Variants in NTN4 observed in about 807,000 individuals in gnomAD.
NTN4 encodes the protein netrin-4.
NTN4 carries 32 observed loss-of-function variants against 73.6 expected under a neutral mutation model. The observed-to-expected ratio is 0.44, with a 90% CI of 0.33 to 0.58. The LOEUF (loss-of-function observed/expected upper bound fraction) is 0.58. Among genes scored for constraint, NTN4 ranks in the 20% least tolerant of loss-of-function variants. The pLI is 0.04. For missense variants in NTN4, 654 were observed against 798.3 expected, an observed-to-expected ratio of 0.82 and a Z score of 2.18; for synonymous variants, 258 against 287.5, an observed-to-expected ratio of 0.90 and a Z score of 1.04.
At chr12:95,790,928 C>CCGCCCGGGGG (rs1555222865), upstream of NTN4, among the ~76,000 whole-genome samples, 1 of 117,128 alleles carries the variant, frequency 8.5e-6, no homozygotes, top group East Asian at 3.6e-4. This position sits in a 1 kb window ranked among gnomAD's most constrained non-coding sequence, Gnocchi z 6.5. Context: ...CGCTGCCGCC[C>CCGCCCGGGGG]GGGGGGGGGG....
At position 95,710,152 on chromosome 12, in the gene NTN4, A is replaced by C. The variant is rs2302895; in HGVS notation, c.1180+289T>G. On this transcript the variant is annotated intron_variant, in intron 5 of 9. Transcript: ENST00000343702. ...AGATCTTAAATAGCTCTCCCTCTTC[A>C]TCACTCTTTTTTCTATTAGTCATCC... Among the ~76,000 whole-genome samples, 46,873 of 152,036 alleles carry C rather than the reference A, an allele frequency of 0.31. 7,866 individuals are homozygous for C. The highest frequency in any genetic ancestry group is 0.47 in the South Asian group (2,247 of 4,818).
intron 3 of NTN4, among the ~76,000 whole-genome samples, chr12:95,733,999 G>T (rs1056220870): frequency 1.3e-5 from 2 of 151,236 alleles, no homozygotes; most frequent in East Asian, 1.9e-4. Flanking sequence ...GAACCCGGGA[G>T]GGGGAGGTTG....
chr12:95,732,941 A>G (rs889342867), intron 3 of NTN4, among the ~76,000 whole-genome samples: 2 of 152,210 alleles, frequency 1.3e-5, no homozygotes, highest in African/African-American at 4.8e-5. Flanking sequence ...TAGCTAAGGA[A>G]CATTTTCCTC....
At chr12:95,689,539 C>T (rs960329017) in intron 5 of NTN4, among the ~76,000 whole-genome samples, 119 of 152,324 alleles carry the variant, frequency 7.8e-4, no homozygotes, top group African/African-American at 2.7e-3. Flanking sequence ...CTAAGGGTTG[C>T]TGCAATTCAA....
chr12:95,669,984 C>A, intron 8 of NTN4, 94 bp downstream of exon 8: 1 of 659,102 alleles, frequency 1.5e-6, no homozygotes, highest in Non-Finnish European at 2.7e-6. Context: ...TTCATTTATA[C>A]ACAATGTCAT....
intron 6 of NTN4, 117 bp downstream of exon 6, chr12:95,683,381 G>C (rs535837052): frequency 4.2e-6 from 4 of 961,782 alleles, no homozygotes; most frequent in Non-Finnish European, 6.2e-6. Flanking sequence ...TTCTTTAAAA[G>C]AGATGTGCAA....
At chr12:95,767,727 C>T (rs531172565) in intron 2 of NTN4, among the ~76,000 whole-genome samples, 1 of 152,280 alleles carries the variant, frequency 6.6e-6, no homozygotes, top group Non-Finnish European at 1.5e-5. Flanking sequence ...TAAGCAACGC[C>T]CCCCCTCCAA....
At chr12:95,747,900 C>T (rs960878335) in intron 2 of NTN4, among the ~76,000 whole-genome samples, 17 of 152,130 alleles carry the variant, frequency 1.1e-4, no homozygotes, top group Middle Eastern at 3.4e-3. Flanking sequence ...CTTACACCCC[C>T]TTCAACATAA....
intron 3 of NTN4, among the ~76,000 whole-genome samples, chr12:95,731,650 G>A (rs2078738081): frequency 6.6e-6 from 1 of 152,116 alleles, no homozygotes; most frequent in East Asian, 1.9e-4. Flanking sequence ...CTGTGGTTAT[G>A]ATGATGATCA....
At chr12:95,681,322 A>G (rs909215086) in intron 7 of NTN4, among the ~76,000 whole-genome samples, 1 of 152,152 alleles carries the variant, frequency 6.6e-6, no homozygotes. Context: ...TCTGTGGACA[A>G]AGGGAGGCAA....
chr12:95,713,253 T>C lies in NTN4; in HGVS notation c.950A>G (p.Glu317Gly). Residue 317 changes from glutamate to glycine, a missense_variant, in exon 4 of 10, where the codon GAG becomes GGG. Physicochemically the swap from Glu to Gly is moderately conservative, Grantham distance 98 (BLOSUM62 -2). Transcript: ENST00000343702. ...AGCCCCCGTTTTGCCATCAGCTGCC[T>C]CCCATGGCCGGTCATTGTATAACGG... ...CAPLYNDRPWEAADGKTGAPN... is the reference protein window; with the variant it reads ...CAPLYNDRPWGAADGKTGAPN... The C allele has an allele frequency of 6.2e-7, 1 of 1,613,576 alleles. No homozygotes were observed. The highest frequency in any genetic ancestry group is 8.5e-7 in the Non-Finnish European group (1 of 1,179,536).
intron 9 of NTN4, among the ~76,000 whole-genome samples, chr12:95,659,609 T>A (rs2078120251): frequency 6.6e-6 from 1 of 152,060 alleles, no homozygotes; most frequent in South Asian, 2.1e-4. Flanking sequence ...ACTCCAGCAG[T>A]TTTATATATT....
At chr12:95,700,700 C>G (rs1355151760) in intron 5 of NTN4, among the ~76,000 whole-genome samples, 1 of 152,072 alleles carries the variant, frequency 6.6e-6, no homozygotes, top group Non-Finnish European at 1.5e-5. Flanking sequence ...GGTCAGGGTT[C>G]CCTCCCACCA....
rs138219514 is a variant in NTN4, at chr12:95,789,277, G to C, written c.55+978C>G. 6.6e-6 allele frequency among the ~76,000 whole-genome samples: 1 copy of C among 152,292 alleles called. No homozygotes were observed. Among genetic ancestry groups the C allele is most frequent in the Non-Finnish European group, 1.5e-5 (1 of 68,012 alleles). ...CTCAGGGAAGAGTGGAAGCCCAAGGGAGGAGATGCGTGCTACAATGTTCTG... is the reference window on the plus strand; with the variant it reads ...CTCAGGGAAGAGTGGAAGCCCAAGGCAGGAGATGCGTGCTACAATGTTCTG... On this transcript the variant is annotated intron_variant, in intron 1 of 9. Transcript: ENST00000343702. This position sits in a 1 kb window ranked among gnomAD's most constrained non-coding sequence, Gnocchi z 4.0.
intron 5 of NTN4, among the ~76,000 whole-genome samples, chr12:95,688,594 C>T (rs1426264137): frequency 1.3e-5 from 2 of 152,004 alleles, no homozygotes; most frequent in Non-Finnish European, 2.9e-5. Context: ...GTCATAAATA[C>T]AGTTTTGAGA....
intron 1 of NTN4, among the ~76,000 whole-genome samples, chr12:95,787,741 T>C (rs1240876531): frequency 6.6e-6 from 1 of 152,212 alleles, no homozygotes; most frequent in Non-Finnish European, 1.5e-5. Flanking sequence ...ACAAACACTT[T>C]AGGCAGAGGG....
intron 2 of NTN4, among the ~76,000 whole-genome samples, chr12:95,783,148 T>C (rs766121233): frequency 2.6e-5 from 4 of 152,220 alleles, no homozygotes; most frequent in Non-Finnish European, 5.9e-5. Flanking sequence ...CCCAGGCCTG[T>C]CTGTGCCTTT....
intron 5 of NTN4, among the ~76,000 whole-genome samples, chr12:95,684,241 T>C (rs1391882095): frequency 6.6e-6 from 1 of 152,098 alleles, no homozygotes; most frequent in Non-Finnish European, 1.5e-5. Flanking sequence ...TGGAAGAGGA[T>C]TCAGGGGAGT....
In NTN4 at chr12:95,790,186, C is replaced by T. The variant is rs1252929962; in HGVS notation, c.55+69G>A. ...CTCGCAGCCCTGGCTCCCCTGCACCCCCGAGTCCCGAGATGGGTTAGAGAA... is the reference window on the plus strand; with the variant it reads ...CTCGCAGCCCTGGCTCCCCTGCACCTCCGAGTCCCGAGATGGGTTAGAGAA... On this transcript the variant is annotated intron_variant, in intron 1 of 9. Transcript: ENST00000343702. This position sits in a 1 kb window ranked among gnomAD's most constrained non-coding sequence, Gnocchi z 6.5. 64 of 1,407,614 alleles carry T rather than the reference C, an allele frequency of 4.5e-5. No homozygotes were observed. The highest frequency in any genetic ancestry group is 5.8e-5 in the Non-Finnish European group (60 of 1,039,288). 87.2% of individuals were successfully genotyped at this position (1,407,614 alleles called of 1,614,324 possible).
Sources: gnomAD v4.1 joint callset for allele counts (sites outside exome capture counted in the v4.1 genomes callset) on GRCh38, gnomAD v4.1.1 for gene constraint, Gnocchi (gnomAD v3.1) non-coding constraint, MANE v1.5 for transcripts, NCBI Gene and HGNC (gene_info 2026-07-23, HGNC 2026-07-21) for gene names.